The following MX2 variants were observed in gnomAD, a reference collection of about 807,000 sequenced individuals.
MX2 encodes the protein MX dynamin like GTPase 2.
Under a neutral mutation model 74.0 loss-of-function variants are expected in MX2, and 51 were observed. That is an observed-to-expected ratio of 0.69 (90% confidence interval 0.55 to 0.87). The LOEUF (loss-of-function observed/expected upper bound fraction) is 0.87, where lower values mean the gene tolerates loss of function less well. MX2 is among the 40% of genes least tolerant of loss of function. MX2 has a pLI of 0.00. For missense variants in MX2, 832 were observed against 908.7 expected, an observed-to-expected ratio of 0.92 and a Z score of 1.09; for synonymous variants, 369 against 339.3, an observed-to-expected ratio of 1.09 and a Z score of -0.96.
intron 12 of MX2, among the ~76,000 whole-genome samples, chr21:41,405,418 G>A (rs530042266): frequency 6.6e-6 from 1 of 152,126 alleles, no homozygotes; most frequent in East Asian, 1.9e-4. Flanking sequence ...CAGTGTGTCG[G>A]CATGGTCAGG....
chr21:41,390,466 A>G (rs769193238), intron 5 of MX2, 99 bp from the exon 6 acceptor site: 64 of 1,517,978 alleles, frequency 4.2e-5, no homozygotes, highest in Non-Finnish European at 5.6e-5. Context: ...CTGTGGGACA[A>G]TGTTGCCTTT....
chr21:41,393,110 C>CAAAAAAAAAAAAAAAAAAAGAAAAAAAAG (rs2089683251), intron 6 of MX2, among the ~76,000 whole-genome samples: 1 of 60,086 alleles, frequency 1.7e-5, no homozygotes, highest in African/African-American at 5.0e-5. Flanking sequence ...CTCAAAAAAG[C>CAAAAAAAAAAAAAAAAAAAGAAAAAAAAG]AAAAAAAAAA....
At chr21:41,372,675 G>A (rs2089340498) in intron 1 of MX2, among the ~76,000 whole-genome samples, 1 of 152,110 alleles carries the variant, frequency 6.6e-6, no homozygotes, top group Non-Finnish European at 1.5e-5. Context: ...CATTTTTGAT[G>A]TGAACAATCA....
chr21:41,388,568 T>C lies in MX2; in HGVS notation c.733-1997T>C, dbSNP rs1398330700. Among the ~76,000 whole-genome samples the C allele has an allele frequency of 6.6e-6, 1 of 152,170 alleles. No homozygotes were observed. Among genetic ancestry groups the C allele is most frequent in the African/African-American group, 2.4e-5 (1 of 41,434 alleles). ...ATGTCTCCATTGTGTTTATTGCCTG[T>C]CTCCCCTCCTGGGCTGTAAGGCTCT... On this transcript the variant is annotated intron_variant, in intron 5 of 13. Coordinates refer to ENST00000330714, the MANE Select transcript of MX2 (RefSeq NM_002463.2). The surrounding 1 kb of genome is among the most constrained non-coding windows in gnomAD (Gnocchi z 4.0).
In MX2 at chr21:41,378,070, CA is replaced by C; in HGVS notation, c.442+90del. 3 of 1,446,226 alleles carry C rather than the reference CA, an allele frequency of 2.1e-6. No individual in the cohort carries two copies. In the African/African-American group the frequency reaches 4.2e-5, roughly 20 times the overall value. 89.6% of individuals were successfully genotyped at this position (1,446,226 alleles called of 1,614,324 possible). On this transcript the variant is annotated intron_variant, in intron 3 of 13. Transcript: ENST00000330714. ...CCCAGGCACCAAGAGGTTTTAGAGACAGGCTGCTGGGTGAGAGAGCTGGGAA... is the reference window on the plus strand; with the variant it reads ...CCCAGGCACCAAGAGGTTTTAGAGACGGCTGCTGGGTGAGAGAGCTGGGAA...
chr21:41,372,678 A>C (rs449678), intron 1 of MX2, among the ~76,000 whole-genome samples: 1 of 152,124 alleles, frequency 6.6e-6, no homozygotes, highest in Non-Finnish European at 1.5e-5. Flanking sequence ...TTTTGATGTG[A>C]ACAATCACAG....
rs767340458 is a variant in MX2 at position 41,407,009 on chromosome 21, G to A, written c.1905+11G>A. The stretch of plus-strand genomic sequence containing the variant: ...AATGCCTACTTCTTGGTGAGTTCCC[G>A]GCGGGGCAGGAGCCGTGCTCTCTGA... On this transcript the variant is annotated intron_variant, in intron 13 of 13. Transcript: ENST00000330714. 6.5e-5 allele frequency: 105 copies of A among 1,608,468 alleles called. No homozygotes were observed. In the Middle Eastern group the frequency reaches 8.2e-4, roughly 13 times the overall value.
chr21:41,387,115 T>C (rs1004575544), intron 5 of MX2, among the ~76,000 whole-genome samples: 2 of 152,216 alleles, frequency 1.3e-5, no homozygotes, highest in African/African-American at 4.8e-5. Context: ...TATTTTTGTG[T>C]CTCTTCTCAG....
At chr21:41,382,292 C>G (rs940907295) in intron 4 of MX2, 118 bp from the exon 5 acceptor site, 2 of 1,292,220 alleles carry the variant, frequency 1.5e-6, no homozygotes, top group Non-Finnish European at 2.1e-6. Flanking sequence ...TTTCTAAACA[C>G]CAGGGACCTA....
chr21:41,395,496 G>T, intron 6 of MX2, 91 bp from the exon 7 acceptor site: 3 of 1,185,828 alleles, frequency 2.5e-6, no homozygotes, highest in Non-Finnish European at 3.6e-6. Flanking sequence ...AGACCTTGTT[G>T]GCCAAAAAAG....
rs754220072 is a variant in MX2 at position 41,380,911 on chromosome 21, G to C, written c.577+760G>C. On this transcript the variant is annotated intron_variant, in intron 4 of 13. Transcript: ENST00000330714. This position sits in a 1 kb window ranked among gnomAD's most constrained non-coding sequence, Gnocchi z 4.3. The stretch of plus-strand genomic sequence containing the variant: ...GCACAGCCTGTCCTGGACTCAGCCA[G>C]GATAGATGGAAAAACAATCCTGAAT... 2.6e-5 allele frequency among the ~76,000 whole-genome samples: 4 copies of C among 152,196 alleles called. No homozygotes were observed. Among genetic ancestry groups the C allele is most frequent in the Non-Finnish European group, 5.9e-5 (4 of 68,032 alleles).
intron 4 of MX2, among the ~76,000 whole-genome samples, chr21:41,381,678 C>G (rs1299039290): frequency 8.7e-6 from 1 of 114,578 alleles, no homozygotes; most frequent in African/African-American, 3.9e-5. Context: ...GAGCGAGACT[C>G]TGTCTCAAAA....
At chr21:41,387,126 A>G (rs1430517028) in intron 5 of MX2, among the ~76,000 whole-genome samples, 1 of 152,080 alleles carries the variant, frequency 6.6e-6, no homozygotes, top group Non-Finnish European at 1.5e-5. Flanking sequence ...CTCTTCTCAG[A>G]TTCTTCATTG....
At chr21:41,401,834 T>A (rs1453871891) in intron 10 of MX2, 136 bp from the exon 11 acceptor site, 1 of 883,088 alleles carries the variant, frequency 1.1e-6, no homozygotes, top group Non-Finnish European at 1.7e-6. Flanking sequence ...AATATTTTTC[T>A]CATTGTGAAC....
chr21:41,369,938 C>T (rs2089301547), intron 1 of MX2, among the ~76,000 whole-genome samples: 1 of 152,140 alleles, frequency 6.6e-6, no homozygotes. Context: ...CCCCCTCAGC[C>T]TGCCTTTAGC....
chr21:41,371,340 C>T (rs1482800405), intron 1 of MX2, among the ~76,000 whole-genome samples: 2 of 152,166 alleles, frequency 1.3e-5, no homozygotes, highest in African/African-American at 4.8e-5. Flanking sequence ...TCTACTGACT[C>T]TTGAGTACTT....
At chr21:41,362,428 C>A (rs201955067) in intron 1 of MX2, among the ~76,000 whole-genome samples, 1 of 152,182 alleles carries the variant, frequency 6.6e-6, no homozygotes, top group South Asian at 2.1e-4. Context: ...AAAGTCGTCT[C>A]GGAGGGTTTC....
rs761944971 is a variant in MX2 at position 41,370,928 on chromosome 21, T to C, written c.-71-5908T>C. Among the ~76,000 whole-genome samples, 154 of 152,096 alleles carry C rather than the reference T, an allele frequency of 1.0e-3. 1 individual carries two copies. The Middle Eastern group carries it at 0.014, about 13-fold the overall frequency. On this transcript the variant is annotated intron_variant, in intron 1 of 13. Transcript: ENST00000330714. ...CTCACGATTTGTGTGGTTCCTGGAG[T>C]TGGAAATGGGTGGCAGATCCAGCAA...
At chr21:41,383,632 G>A (rs1292035817) in intron 5 of MX2, among the ~76,000 whole-genome samples, 1 of 152,174 alleles carries the variant, frequency 6.6e-6, no homozygotes, top group Admixed American at 6.5e-5. Flanking sequence ...GGAGACAGTG[G>A]CAGTGTTGAC....
Sources: gnomAD v4.1 joint callset for allele counts (sites outside exome capture counted in the v4.1 genomes callset) on GRCh38, gnomAD v4.1.1 for gene constraint, Gnocchi (gnomAD v3.1) non-coding constraint, MANE v1.5 for transcripts, NCBI Gene and HGNC (gene_info 2026-07-23, HGNC 2026-07-21) for gene names.